GNS: variants seen among roughly 807,000 people sequenced by gnomAD.
The protein encoded by GNS is glucosamine (N-acetyl)-6-sulfatase.
Under a neutral mutation model 69.7 loss-of-function variants are expected in GNS, and 40 were observed. The observed-to-expected ratio is 0.57, with a 90% CI of 0.45 to 0.75. The LOEUF (loss-of-function observed/expected upper bound fraction) is 0.75, where lower values mean the gene tolerates loss of function less well. Among genes scored for constraint, GNS ranks in the 30% least tolerant of loss-of-function variants. The pLI, the probability that GNS is intolerant of heterozygous loss-of-function variation, is 0.00. For synonymous variants in GNS, 243 were observed against 251.6 expected (o/e 0.97, Z 0.32); for missense variants, 565 against 685.5 (o/e 0.82, Z 1.96).
Position 64,723,104 on chromosome 12 carries a change from T to C in GNS, c.1210A>G (p.Ser404Gly), listed in dbSNP as rs1171150357. 6.3e-7 allele frequency: 1 copy of C among 1,598,544 alleles called. No homozygotes were observed. The highest frequency in any genetic ancestry group is 8.6e-7 in the Non-Finnish European group (1 of 1,165,728). ...ACATCTGATCGCCAGGTCAAGTTAC[T>C]GGCACCTCTCTAGAAAGAAGAGCAA... ...MSLLPILRGA[S>G]NLTWRSDVLV... The change falls in exon 11 of 14, where the codon AGT (serine) becomes GGT (glycine). Residue 404 changes from serine to glycine, a missense_variant. This residue lies in a region of GNS where 384 missense variants were observed against 511.0 expected (regional missense o/e 0.75). Coordinates refer to ENST00000258145, the MANE Select transcript of GNS (RefSeq NM_002076.4).
intron 1 of GNS, chr12:64,756,606 A>T: frequency 1.5e-6 from 1 of 677,092 alleles, no homozygotes; most frequent in East Asian, 2.8e-5. Flanking sequence ...TAAGATAAGG[A>T]TACTATGTAC....
Position 64,759,335 on chromosome 12 carries a change from C to T in GNS, c.-59G>A. ...ACGGGACGGAGGGACGCACAGGTAGCTGAAGGGCGAGAGGCCGACCAGCCG... is the reference window on the plus strand; with the variant it reads ...ACGGGACGGAGGGACGCACAGGTAGTTGAAGGGCGAGAGGCCGACCAGCCG... On this transcript the variant is annotated 5_prime_UTR_variant, in exon 1 of 14. Transcript: ENST00000258145. The T allele has an allele frequency of 8.2e-7, 1 of 1,216,734 alleles. No homozygotes were observed. The highest frequency in any genetic ancestry group is 1.1e-6 in the Non-Finnish European group (1 of 896,048). 75.4% of individuals were successfully genotyped at this position (1,216,734 alleles called of 1,614,324 possible). A position where few individuals can be genotyped will look rare whatever the true frequency, so the allele number is the denominator to read the frequency against.
chr12:64,748,259 T>G (rs999202396), intron 2 of GNS, among the ~76,000 whole-genome samples: 1 of 151,740 alleles, frequency 6.6e-6, no homozygotes, highest in Non-Finnish European at 1.5e-5. Context: ...TGGAGTGCAC[T>G]GGCACAAGCA....
chr12:64,729,548 A>T (rs1869317707), intron 9 of GNS, among the ~76,000 whole-genome samples: 1 of 152,228 alleles, frequency 6.6e-6, no homozygotes, highest in Non-Finnish European at 1.5e-5. Context: ...CAACACTGCC[A>T]AAATATGTTT....
At chr12:64,721,826 A>T in intron 11 of GNS, 121 bp from the exon 12 acceptor site, 1 of 723,192 alleles carries the variant, frequency 1.4e-6, no homozygotes. Flanking sequence ...CAATTAGAAA[A>T]CCTTCCATGG....
rs1324161117 is a variant in GNS at position 64,723,063 on chromosome 12, T to C, written c.1251A>G (p.Gln417=). 5 of 1,613,286 alleles carry C rather than the reference T, an allele frequency of 3.1e-6. No homozygotes were observed. The African/African-American group carries it at 6.7e-5, about 22-fold the overall frequency. ...TWRSDVLVEY[Q]GEGRNVTDPT... ...GGTCAGTGACGTTACGGCCTTCTCC[T>C]TGGTATTCCACCAGGACATCTGATC... Residue 417 remains glutamine (Q), a synonymous_variant, in exon 11 of 14, where the codon CAA becomes CAG. Transcript: ENST00000258145.
At chr12:64,752,628 G>T (rs370418829) in intron 2 of GNS, 70 bp downstream of exon 2, 1 of 815,268 alleles carries the variant, frequency 1.2e-6, no homozygotes. Flanking sequence ...CCAGATTCCC[G>T]AGAAGAGAGT....
intron 12 of GNS, among the ~76,000 whole-genome samples, chr12:64,720,514 G>GAT (rs1461007698): frequency 1.5e-4 from 23 of 152,182 alleles, no homozygotes; most frequent in Admixed American, 1.1e-3. Context: ...CAGAAAGCAG[G>GAT]AGCCTCCAAT....
chr12:64,720,763 C>G (rs935038293), intron 12 of GNS, among the ~76,000 whole-genome samples: 12 of 152,168 alleles, frequency 7.9e-5, no homozygotes, highest in Admixed American at 7.9e-4. Context: ...GTACTTTTCC[C>G]TCTATAATCT....
At chr12:64,745,595 A>G (rs1869874198) in intron 4 of GNS, 64 bp downstream of exon 4, 1 of 932,066 alleles carries the variant, frequency 1.1e-6, no homozygotes, top group African/African-American at 1.6e-5. Flanking sequence ...ATCAGAGCTA[A>G]ATTAAACATA....
intron 12 of GNS, among the ~76,000 whole-genome samples, chr12:64,720,855 G>A (rs151146946): frequency 6.6e-6 from 1 of 152,292 alleles, no homozygotes; most frequent in East Asian, 1.9e-4. Context: ...TCAGGTAGCT[G>A]CCCTCACTCA....
intron 5 of GNS, among the ~76,000 whole-genome samples, chr12:64,744,285 CT>C (rs1397001549): frequency 6.6e-6 from 1 of 152,220 alleles, no homozygotes; most frequent in Non-Finnish European, 1.5e-5. Flanking sequence ...TGAACACTGG[CT>C]ACACTAGGTG....
rs2136259586 is a variant in GNS at position 64,759,253 on chromosome 12, TG to T, written c.23del (p.Pro8GlnfsTer57). On this transcript the variant is annotated frameshift_variant, in exon 1 of 14. Transcript: ENST00000258145. LOFTEE classifies it high-confidence loss of function. Reference protein sequence around the residue: MRLLPLAPGRLRRGSPRH... With the variant: MRLLPLAXGRLRRGSPRH... The stretch of plus-strand genomic sequence containing the variant: ...GGGGGCTGCCCCGCCGGAGCCGACC[TG>T]GGGCTAGAGGCAGGAGCCGCATAGC... 4.5e-6 allele frequency: 7 copies of T among 1,539,592 alleles called. No homozygotes were observed. The highest frequency in any genetic ancestry group is 6.1e-6 in the Non-Finnish European group (7 of 1,142,170).
intron 9 of GNS, among the ~76,000 whole-genome samples, chr12:64,735,142 T>C (rs374574754): frequency 6.6e-6 from 1 of 152,160 alleles, no homozygotes; most frequent in Non-Finnish European, 1.5e-5. Context: ...AAAACTCATC[T>C]TGTTTGATTG....
intron 2 of GNS, among the ~76,000 whole-genome samples, chr12:64,748,203 GT>G (rs746264566): frequency 1.3e-4 from 18 of 135,330 alleles, no homozygotes; most frequent in African/African-American, 2.0e-4. Context: ...AGAGATAGTT[GT>G]TTTTTTTTTT....
chr12:64,745,040 A>G (rs953522213), intron 4 of GNS, 133 bp from the exon 5 acceptor site: 2 of 653,128 alleles, frequency 3.1e-6, no homozygotes, highest in Non-Finnish European at 5.6e-6. Context: ...TCAATACTGA[A>G]TTGGATTTTT....
chr12:64,755,028 T>C (rs1870204427), intron 1 of GNS, among the ~76,000 whole-genome samples: 1 of 152,178 alleles, frequency 6.6e-6, no homozygotes, highest in Admixed American at 6.5e-5. Flanking sequence ...CATGTGTCTC[T>C]ATGCTAATTA....
Position 64,737,045 on chromosome 12 carries a change from A to G in GNS, c.1057T>C (p.Leu353=). The G allele has an allele frequency of 6.2e-7, 1 of 1,605,806 alleles. No homozygotes were observed. The highest frequency in any genetic ancestry group is 8.5e-7 in the Non-Finnish European group (1 of 1,172,364). ...LYEFDIKVPL[L]VRGPGIKPNQ... Reference sequence around the variant, plus strand: ...GGTTTGATCCCAGGTCCTCGAACCAACAGTGGAACTTTGATATCAAACTCA... The same window carrying G: ...GGTTTGATCCCAGGTCCTCGAACCAGCAGTGGAACTTTGATATCAAACTCA... The change falls in exon 9 of 14, where the codon TTG becomes CTG. Residue 353 remains leucine (L), a synonymous_variant. Coordinates refer to ENST00000258145, the MANE Select transcript of GNS (RefSeq NM_002076.4).
chr12:64,722,379 T>C (rs1372125437), intron 11 of GNS, among the ~76,000 whole-genome samples: 1 of 152,206 alleles, frequency 6.6e-6, no homozygotes, highest in Non-Finnish European at 1.5e-5. Flanking sequence ...AGGAGAAGGC[T>C]AAAATGAGTT....
Sources: gnomAD v4.1 joint callset for allele counts (sites outside exome capture counted in the v4.1 genomes callset) on GRCh38, gnomAD v4.1.1 for gene constraint, gnomAD v4.1.1 regional missense constraint, MANE v1.5 for transcripts, NCBI Gene and HGNC (gene_info 2026-07-23, HGNC 2026-07-21) for gene names.